The following CDH3 variants were observed in gnomAD, a reference collection of about 807,000 sequenced individuals.
The protein encoded by CDH3 is cadherin 3, also known as cadherin-3.
A neutral mutation model predicts 82.0 loss-of-function variants in CDH3; 54 were observed. That is an observed-to-expected ratio of 0.66 (90% confidence interval 0.53 to 0.83). The LOEUF (loss-of-function observed/expected upper bound fraction) is 0.83. Ranked by LOEUF, CDH3 falls within the 40% of genes least tolerant of loss-of-function variation. The pLI is 0.00. For synonymous variants in CDH3, 446 were observed against 437.9 expected (o/e 1.02, Z -0.23); for missense variants, 1,054 against 1,084.6 (o/e 0.97, Z 0.40).
intron 1 of CDH3, among the ~76,000 whole-genome samples, chr16:68,705,547 G>A (rs977127985): frequency 3.3e-5 from 5 of 151,594 alleles, no homozygotes; most frequent in Admixed American, 2.6e-4. Flanking sequence ...TCAGCCTCCC[G>A]AGTAGCTGGG....
chr16:68,700,044 A>G lies in CDH3; in HGVS notation c.*1644A>G, dbSNP rs1961866437. ...CACATTGTATTTGTTTTTTTAAATG[A>G]CATCTGGTCATCATCGAAATCAAGC... On this transcript the variant is annotated 3_prime_UTR_variant, in exon 16 of 16. Transcript: ENST00000264012. 1 of 152,128 alleles carries G rather than the reference A, an allele frequency of 6.6e-6. No homozygotes were observed. Among genetic ancestry groups the G allele is most frequent in the Admixed American group, 6.6e-5 (1 of 15,266 alleles). The allele number at this position is 152,128 out of a possible 1,614,324, so 9.4% of individuals were successfully genotyped here. A position where few individuals can be genotyped will look rare whatever the true frequency, so the allele number is the denominator to read the frequency against.
chr16:68,709,683 G>T (rs1022228172), intron 1 of CDH3, among the ~76,000 whole-genome samples: 1 of 151,984 alleles, frequency 6.6e-6, no homozygotes, highest in Non-Finnish European at 1.5e-5. Flanking sequence ...GGTTTCAAGC[G>T]ACCCACTCAC....
chr16:68,733,399 G>A, the CDH3 span, among the ~76,000 whole-genome samples: 1 of 152,042 alleles, frequency 6.6e-6, no homozygotes. Flanking sequence ...AAAGTGCTGC[G>A]ATTACAGTTG....
Position 68,725,990 on chromosome 16 carries a change from C to T in CDH3, c.*46-1163C>T, listed in dbSNP as rs547624346. Among the ~76,000 whole-genome samples, 10 of 152,084 alleles carry T rather than the reference C, an allele frequency of 6.6e-5. 2 individuals are homozygous for T. The South Asian group carries it at 1.5e-3, about 22-fold the overall frequency. ...GGATCGCTTGAGCCCAGGAGGCAGA[C>T]GGAGGTTGCAGTGAGCTGAGATTGC... On this transcript the variant is annotated intron_variant, in intron 2 of 2. Coordinates refer to the CDH3 transcript ENST00000569080.
intron 3 of CDH3, 21 bp downstream of exon 3, chr16:68,676,491 G>T (rs1257391327): frequency 1.3e-6 from 2 of 1,579,420 alleles, no homozygotes; most frequent in Admixed American, 3.3e-5. Flanking sequence ...ATGTCCACCT[G>T]CAGGACAAAA....
In CDH3 at chr16:68,645,751, G is replaced by T. The variant is rs1474181679; in HGVS notation, c.160+1G>T. Reference sequence around the variant, plus strand: ...GAGCCCGGCCAGGCGCTGGGGAAAGGTAAGATCCTCAGGGTGGAACCGCAG... The same window carrying T: ...GAGCCCGGCCAGGCGCTGGGGAAAGTTAAGATCCTCAGGGTGGAACCGCAG... On this transcript the variant is annotated splice_donor_variant, in intron 2 of 15. Transcript: ENST00000264012. LOFTEE classifies it high-confidence loss of function. The T allele has an allele frequency of 6.5e-7, 1 of 1,542,802 alleles. No homozygotes were observed.
At chr16:68,702,700 ACTAAAAAT>A (rs1354686057), downstream of CDH3, among the ~76,000 whole-genome samples, 1 of 152,068 alleles carries the variant, frequency 6.6e-6, no homozygotes, top group Non-Finnish European at 1.5e-5. Context: ...CCCCGTCTCT[ACTAAAAAT>A]ATAAAAATTA....
At chr16:68,646,218 C>G (rs1247842687) in intron 2 of CDH3, 1 of 175,432 alleles carries the variant, frequency 5.7e-6, no homozygotes, top group East Asian at 1.7e-4. Context: ...TTTCTCCGAG[C>G]TTCCCTACCC....
chr16:68,653,483 T>C lies in CDH3; in HGVS notation c.160+7733T>C, dbSNP rs1220945411. Among the ~76,000 whole-genome samples the C allele has an allele frequency of 3.3e-5, 5 of 152,066 alleles. No individual in the cohort carries two copies. The East Asian group carries it at 9.7e-4, about 30-fold the overall frequency. On this transcript the variant is annotated intron_variant, in intron 2 of 15. Transcript: ENST00000264012. The stretch of plus-strand genomic sequence containing the variant: ...AACTCCCGACCTCAGGTGATCCGCC[T>C]ACCTCGGCCTCCCAAAGTGCTGGGA...
chr16:68,669,818 T>C (rs1291835535), intron 2 of CDH3, among the ~76,000 whole-genome samples: 1 of 152,014 alleles, frequency 6.6e-6, no homozygotes, highest in African/African-American at 2.4e-5. Flanking sequence ...AAGAGGGCTG[T>C]TTTAGGATTG....
downstream of CDH3, among the ~76,000 whole-genome samples, chr16:68,730,622 T>C (rs1244135109): frequency 6.6e-6 from 1 of 152,216 alleles, no homozygotes; most frequent in Non-Finnish European, 1.5e-5. Context: ...CTGTGAATTT[T>C]ATTAGGTGCT....
At position 68,652,974 on chromosome 16, in the gene CDH3, C is replaced by G. The variant is rs376455696; in HGVS notation, c.160+7224C>G. Among the ~76,000 whole-genome samples the G allele has an allele frequency of 8.5e-5, 13 of 152,290 alleles. 1 individual carries two copies. The highest frequency in any genetic ancestry group is 2.9e-4 in the African/African-American group (12 of 41,550). ...GTAGTTTCCATTTTGTGCAAATCTT[C>G]TAGTGACCTGTGCACCCCTATTTGT... is the stretch of plus-strand genomic sequence containing the variant. On this transcript the variant is annotated intron_variant, in intron 2 of 15. Coordinates refer to ENST00000264012, the MANE Select transcript of CDH3 (RefSeq NM_001793.6).
At chr16:68,663,261 G>A (rs1270679639) in intron 2 of CDH3, among the ~76,000 whole-genome samples, 1 of 146,328 alleles carries the variant, frequency 6.8e-6, no homozygotes, top group Non-Finnish European at 1.5e-5. Flanking sequence ...GTCTTGCTCA[G>A]TCACCCAGGC....
intron 12 of CDH3, among the ~76,000 whole-genome samples, chr16:68,689,899 G>A (rs533961047): frequency 2.0e-5 from 3 of 152,250 alleles, no homozygotes; most frequent in Non-Finnish European, 4.4e-5. Flanking sequence ...GGGGCACTAC[G>A]GGCATTTAGT....
intron 2 of CDH3, among the ~76,000 whole-genome samples, chr16:68,654,380 ATTTTTTTTTTTTTTTTTTTT>A (rs1176713669): frequency 9.5e-4 from 46 of 48,532 alleles, no homozygotes; most frequent in Middle Eastern, 0.019. Flanking sequence ...TTTTAAATTA[ATTTTTTTTTTTTTTTTTTTT>A]TTTTTTTTTT....
chr16:68,695,464 C>T, intron 14 of CDH3, 79 bp downstream of exon 14: 3 of 1,437,436 alleles, frequency 2.1e-6, no homozygotes, highest in Non-Finnish European at 2.9e-6. Flanking sequence ...AACCAACTGA[C>T]CAAGTTAGCT....
intron 2 of CDH3, among the ~76,000 whole-genome samples, chr16:68,724,304 T>C (rs147842711): frequency 6.6e-6 from 1 of 151,974 alleles, no homozygotes; most frequent in East Asian, 1.9e-4. Context: ...ATTTAGACTA[T>C]ATAGACTTTA....
chr16:68,716,122 G>T (rs1385820755), intron 1 of CDH3, among the ~76,000 whole-genome samples: 1 of 151,886 alleles, frequency 6.6e-6, no homozygotes, highest in Non-Finnish European at 1.5e-5. Context: ...TACAAAATTG[G>T]CTGGGTGTGG....
intron 2 of CDH3, among the ~76,000 whole-genome samples, chr16:68,675,098 G>T (rs1013145075): frequency 1.3e-5 from 2 of 151,794 alleles, no homozygotes; most frequent in African/African-American, 2.4e-5. Context: ...GGGTGACAGA[G>T]TGAGACTCTG....
Sources: allele counts gnomAD v4.1 joint callset (sites outside exome capture counted in the v4.1 genomes callset), GRCh38; gene constraint gnomAD v4.1.1; transcripts MANE v1.5; gene names NCBI Gene and HGNC (gene_info 2026-07-23, HGNC 2026-07-21).